The following LYPD6 variants were observed in gnomAD, a reference collection of about 807,000 sequenced individuals.
The protein encoded by LYPD6 is LY6/PLAUR domain containing 6.
LYPD6 carries 15 observed loss-of-function variants against 22.7 expected under a neutral mutation model. The observed-to-expected ratio is 0.66, with a 90% confidence interval of 0.44 to 1.02. The LOEUF is 1.02. Ranked by LOEUF, LYPD6 falls within the 50% of genes least tolerant of loss-of-function variation. LYPD6 has a pLI of 0.00. For missense variants in LYPD6, 189 were observed against 208.4 expected (o/e 0.91, Z 0.57); for synonymous variants, 72 against 77.5 (o/e 0.93, Z 0.37).
Position 149,405,828 on chromosome 2 carries a change from G to C in LYPD6, c.-71-31810G>C, listed in dbSNP as rs1235800869. On this transcript the variant is annotated intron_variant, in intron 1 of 4. Transcript: ENST00000334166. ...CTAGTTCTTTTAATTGTGATGTTAG[G>C]GTGTCAGTTTTGGATCTTTCCTGCT... is the stretch of plus-strand genomic sequence containing the variant. Among the ~76,000 whole-genome samples, 2 of 146,146 alleles carry C rather than the reference G, an allele frequency of 1.4e-5. 1 individual carries two copies. The highest frequency in any genetic ancestry group is 5.3e-5 in the African/African-American group (2 of 37,864).
chr2:149,470,784 T>C lies in LYPD6; in HGVS notation c.450T>C (p.Asn150=), dbSNP rs1419759831. The C allele has an allele frequency of 1.9e-6, 3 of 1,613,794 alleles. No homozygotes were observed. In the South Asian group the frequency reaches 3.3e-5, roughly 18 times the overall value. ...FATTSPINQT[N]GHPRCMSVIV... Reference sequence around the variant, plus strand: ...CGACGTCACCTATAAATCAGACAAATGGGCACCCACGCTGTATGTCAGTGA... The same window carrying C: ...CGACGTCACCTATAAATCAGACAAACGGGCACCCACGCTGTATGTCAGTGA... The change falls in exon 5 of 5, where the codon AAT becomes AAC. Residue 150 remains asparagine, a synonymous_variant. Transcript: ENST00000334166.
At chr2:149,438,067 A>G (rs1437354812) in intron 2 of LYPD6, among the ~76,000 whole-genome samples, 3 of 152,264 alleles carry the variant, frequency 2.0e-5, no homozygotes, top group Middle Eastern at 3.4e-3. Flanking sequence ...AATCACTCTG[A>G]TTCTGAACAC....
rs565143331 is a variant in LYPD6 at position 149,336,288 on chromosome 2, A to G, written c.-72+5566A>G. ...TACGGTAAGTAAAAACCAAGCTGCT[A>G]AAGTTGAACTATAGAAATAACTTAA... On this transcript the variant is annotated intron_variant, in intron 1 of 4. Transcript: ENST00000334166. 9.2e-5 allele frequency among the ~76,000 whole-genome samples: 14 copies of G among 152,344 alleles called. 1 individual carries two copies. The South Asian group carries it at 2.5e-3, about 27-fold the overall frequency.
chr2:149,358,859 G>A (rs995146752), intron 1 of LYPD6, among the ~76,000 whole-genome samples: 1 of 152,084 alleles, frequency 6.6e-6, no homozygotes, highest in Non-Finnish European at 1.5e-5. Context: ...AACCCACAAG[G>A]TGATTGTGAT....
At chr2:149,371,848 A>G (rs1573749298) in intron 1 of LYPD6, among the ~76,000 whole-genome samples, 1 of 152,120 alleles carries the variant, frequency 6.6e-6, no homozygotes, top group Non-Finnish European at 1.5e-5. Flanking sequence ...TAGTACTCCT[A>G]TTTAATCCTG....
chr2:149,369,202 C>T (rs375893881), intron 1 of LYPD6, among the ~76,000 whole-genome samples: 52 of 152,074 alleles, frequency 3.4e-4, no homozygotes, highest in African/African-American at 1.0e-3. Context: ...TTACAGGCCA[C>T]GGGAGCCAAC....
intron 1 of LYPD6, among the ~76,000 whole-genome samples, chr2:149,334,410 GT>G (rs1680995184): frequency 6.6e-6 from 1 of 152,210 alleles, no homozygotes; most frequent in Non-Finnish European, 1.5e-5. Flanking sequence ...CTTTGCTTCT[GT>G]TTTTGCTGAG....
intron 1 of LYPD6, among the ~76,000 whole-genome samples, chr2:149,420,658 C>A (rs766114288): frequency 1.3e-5 from 2 of 152,086 alleles, no homozygotes; most frequent in Non-Finnish European, 2.9e-5. Context: ...TTGTAGAAAC[C>A]AGGAAAGATG....
At chr2:149,417,295 G>A (rs1037778964) in intron 1 of LYPD6, among the ~76,000 whole-genome samples, 1 of 152,172 alleles carries the variant, frequency 6.6e-6, no homozygotes, top group Non-Finnish European at 1.5e-5. Flanking sequence ...GCTCTATACT[G>A]CCTTGTATAT....
chr2:149,401,593 A>G (rs900292099), intron 1 of LYPD6, among the ~76,000 whole-genome samples: 1 of 152,150 alleles, frequency 6.6e-6, no homozygotes, highest in Non-Finnish European at 1.5e-5. Context: ...CATTTTCTAT[A>G]TCTGGTGGAA....
intron 1 of LYPD6, among the ~76,000 whole-genome samples, chr2:149,379,390 C>T (rs530038376): frequency 6.6e-6 from 1 of 152,154 alleles, no homozygotes; most frequent in East Asian, 1.9e-4. Context: ...AAACCACTTA[C>T]CTTAAATGTT....
At chr2:149,448,061 A>G (rs1401546540) in intron 2 of LYPD6, among the ~76,000 whole-genome samples, 3 of 152,232 alleles carry the variant, frequency 2.0e-5, no homozygotes, top group Non-Finnish European at 2.9e-5. Flanking sequence ...TGGGAGGCCA[A>G]GGTGGGTGGA....
At chr2:149,359,918 C>A (rs1473954984) in intron 1 of LYPD6, among the ~76,000 whole-genome samples, 1 of 152,082 alleles carries the variant, frequency 6.6e-6, no homozygotes, top group Admixed American at 6.5e-5. Context: ...AGAAAATAAA[C>A]AAAAGAATGG....
chr2:149,372,152 G>C (rs1681824894), intron 1 of LYPD6, among the ~76,000 whole-genome samples: 1 of 152,098 alleles, frequency 6.6e-6, no homozygotes, highest in Non-Finnish European at 1.5e-5. Context: ...CTTCTTCCTG[G>C]GTGAATAGAA....
At chr2:149,360,312 A>G (rs1164040480) in intron 1 of LYPD6, among the ~76,000 whole-genome samples, 1 of 152,182 alleles carries the variant, frequency 6.6e-6, no homozygotes, top group Admixed American at 6.5e-5. Flanking sequence ...CCAGCCTCCT[A>G]TCTCATCCTG....
At chr2:149,452,261 T>C (rs2105165514) in intron 3 of LYPD6, among the ~76,000 whole-genome samples, 1 of 151,996 alleles carries the variant, frequency 6.6e-6, no homozygotes, top group South Asian at 2.1e-4. Context: ...AGGTAAGGAG[T>C]GGGAACTTAA....
chr2:149,381,026 G>T (rs998211205), intron 1 of LYPD6, among the ~76,000 whole-genome samples: 1 of 152,196 alleles, frequency 6.6e-6, no homozygotes, highest in Non-Finnish European at 1.5e-5. Context: ...GAACTGAGCA[G>T]TATATTGAGC....
At chr2:149,335,726 A>G (rs1213756467) in intron 1 of LYPD6, among the ~76,000 whole-genome samples, 1 of 152,170 alleles carries the variant, frequency 6.6e-6, no homozygotes, top group Non-Finnish European at 1.5e-5. Flanking sequence ...TACGTGCCCT[A>G]TATAGGTGTA....
intron 3 of LYPD6, among the ~76,000 whole-genome samples, chr2:149,459,521 G>A (rs556929358): frequency 6.6e-6 from 1 of 152,314 alleles, no homozygotes; most frequent in South Asian, 2.1e-4. Flanking sequence ...CTTCTCTTGA[G>A]TTTTCTGAAT....
Sources: gnomAD v4.1 joint callset for allele counts (sites outside exome capture counted in the v4.1 genomes callset) on GRCh38, gnomAD v4.1.1 for gene constraint, MANE v1.5 for transcripts, NCBI Gene and HGNC (gene_info 2026-07-23, HGNC 2026-07-21) for gene names.